Variants in MAP3K5 observed in about 807,000 individuals in gnomAD.
The protein encoded by MAP3K5 is ASK-1.
Under a neutral mutation model 158.7 loss-of-function variants are expected in MAP3K5, and 56 were observed. The observed-to-expected ratio is 0.35, with a 90% confidence interval of 0.28 to 0.44. The LOEUF (loss-of-function observed/expected upper bound fraction) is 0.44, where lower values mean the gene tolerates loss of function less well. Ranked by LOEUF, MAP3K5 falls within the 20% of genes least tolerant of loss-of-function variation. MAP3K5 has a pLI of 1.00. For synonymous variants in MAP3K5, 579 were observed against 601.7 expected (o/e 0.96, Z 0.55); for missense variants, 1,294 against 1,674.8 (o/e 0.77, Z 3.97).
At chr6:136,739,681 G>T (rs1361959449) in intron 1 of MAP3K5, among the ~76,000 whole-genome samples, 1 of 152,174 alleles carries the variant, frequency 6.6e-6, no homozygotes, top group African/African-American at 2.4e-5. Flanking sequence ...AACATTTGCA[G>T]TCACTATTTT....
At position 136,592,571 on chromosome 6, in the gene MAP3K5, C is replaced by T. The variant is rs761275698; in HGVS notation, c.2922G>A (p.Glu974=). 9 of 1,613,816 alleles carry T rather than the reference C, an allele frequency of 5.6e-6. No individual in the cohort carries two copies. Among genetic ancestry groups the T allele is most frequent in the Non-Finnish European group, 7.6e-6 (9 of 1,179,822 alleles). The change falls in exon 22 of 30, where the codon GAG becomes GAA. Residue 974 remains glutamate (E), a synonymous_variant. Coordinates refer to ENST00000359015, the MANE Select transcript of MAP3K5 (RefSeq NM_005923.4). The part of the protein sequence containing the change: ...SISLPVPVLV[E]DTSSSSEYGS... ...CGTACTCACTGCTGCTGCTGGTGTC[C>T]TCCACCAGCACAGGTACCGGCAAGG...
chr6:136,757,287 T>A (rs1450709247), intron 1 of MAP3K5, among the ~76,000 whole-genome samples: 3 of 152,194 alleles, frequency 2.0e-5, no homozygotes, highest in African/African-American at 7.2e-5. Flanking sequence ...ATTGTGGTAT[T>A]CCTTAGCAAC....
At chr6:136,568,455 G>A (rs561163848) in intron 25 of MAP3K5, among the ~76,000 whole-genome samples, 25 of 152,142 alleles carry the variant, frequency 1.6e-4, no homozygotes, top group African/African-American at 5.3e-4. Flanking sequence ...CTATTGGGCC[G>A]ATTTCTAGTG....
At chr6:136,716,645 T>C (rs1781542018) in intron 2 of MAP3K5, among the ~76,000 whole-genome samples, 1 of 152,188 alleles carries the variant, frequency 6.6e-6, no homozygotes, top group African/African-American at 2.4e-5. Context: ...GTGTCCAGAC[T>C]TACTCACCAC....
intron 1 of MAP3K5, among the ~76,000 whole-genome samples, chr6:136,746,485 C>G (rs1177553614): frequency 6.6e-6 from 1 of 152,038 alleles, no homozygotes; most frequent in Non-Finnish European, 1.5e-5. Flanking sequence ...ACTAGCGAGG[C>G]ACTGAACATC....
intron 5 of MAP3K5, among the ~76,000 whole-genome samples, chr6:136,696,330 G>C (rs973480206): frequency 6.6e-6 from 1 of 152,208 alleles, no homozygotes; most frequent in African/African-American, 2.4e-5. Context: ...AAGCATGATA[G>C]TGCTCTACTG....
At chr6:136,607,352 C>A (rs1402526230) in intron 18 of MAP3K5, among the ~76,000 whole-genome samples, 1 of 152,094 alleles carries the variant, frequency 6.6e-6, no homozygotes, top group Non-Finnish European at 1.5e-5. Context: ...ACAAATTATG[C>A]AATATTTGAT....
chr6:136,688,580 C>T lies in MAP3K5; in HGVS notation c.1253+5560G>A, dbSNP rs34490849. 5.5e-3 allele frequency among the ~76,000 whole-genome samples: 833 copies of T among 152,150 alleles called. 6 individuals are homozygous for T. The highest frequency in any genetic ancestry group is 0.019 in the African/African-American group (794 of 41,494). On this transcript the variant is annotated intron_variant, in intron 7 of 29. Transcript: ENST00000359015. The stretch of plus-strand genomic sequence containing the variant: ...GCTCTTTTGAGAGGCAGTTAATGTT[C>T]CTAGGCTAAATGGGAATTATTAAAA...
chr6:136,559,087 A>G (rs1317590495), intron 28 of MAP3K5, among the ~76,000 whole-genome samples: 1 of 152,208 alleles, frequency 6.6e-6, no homozygotes, highest in Admixed American at 6.5e-5. Context: ...GCAGTGGCTC[A>G]CGCCTGTAAC....
At chr6:136,639,904 A>G (rs1463246416) in intron 12 of MAP3K5, among the ~76,000 whole-genome samples, 1 of 152,208 alleles carries the variant, frequency 6.6e-6, no homozygotes, top group Non-Finnish European at 1.5e-5. Flanking sequence ...ACATCCTTTC[A>G]ACAGAGCAGG....
intron 15 of MAP3K5, among the ~76,000 whole-genome samples, chr6:136,615,848 A>C (rs912932023): frequency 6.6e-6 from 1 of 152,210 alleles, no homozygotes; most frequent in Non-Finnish European, 1.5e-5. Context: ...AAATCCTTAG[A>C]TCTTACACTG....
chr6:136,633,908 T>C (rs964302027), intron 14 of MAP3K5, among the ~76,000 whole-genome samples: 3 of 152,236 alleles, frequency 2.0e-5, no homozygotes, highest in Admixed American at 1.3e-4. Flanking sequence ...AATTGACGCA[T>C]GTATTGAAAC....
chr6:136,785,013 G>A (rs560184681), intron 1 of MAP3K5, among the ~76,000 whole-genome samples: 10 of 152,040 alleles, frequency 6.6e-5, no homozygotes, highest in African/African-American at 1.9e-4. Flanking sequence ...TAACTGGTTC[G>A]TGGGAACCAC....
intron 7 of MAP3K5, among the ~76,000 whole-genome samples, chr6:136,686,661 C>T (rs544655759): frequency 2.0e-5 from 3 of 152,234 alleles, no homozygotes. Context: ...CATGAGTGAA[C>T]TCCCATTCAC....
chr6:136,609,131 A>G lies in MAP3K5; in HGVS notation c.2521+2151T>C, dbSNP rs1776224077. Among the ~76,000 whole-genome samples, 1 of 152,230 alleles carries G rather than the reference A, an allele frequency of 6.6e-6. No homozygotes were observed. The highest frequency in any genetic ancestry group is 1.5e-5 in the Non-Finnish European group (1 of 68,030). ...GTTCCCCAGATTAGTAGCAGAAGAT[A>G]CTGTGTTAACATCCTGTCCCACAAA... On this transcript the variant is annotated intron_variant, in intron 18 of 29. Coordinates refer to ENST00000359015, the MANE Select transcript of MAP3K5 (RefSeq NM_005923.4). The surrounding 1 kb of genome is among the most constrained non-coding windows in gnomAD (Gnocchi z 4.4).
intron 1 of MAP3K5, among the ~76,000 whole-genome samples, chr6:136,726,398 GC>G (rs931191081): frequency 3.3e-5 from 5 of 152,184 alleles, no homozygotes; most frequent in African/African-American, 1.2e-4. Context: ...TTTGAGACCA[GC>G]CTGGCCAACA....
rs140219423 is a variant in MAP3K5 at position 136,712,804 on chromosome 6, A to G, written c.588+7646T>C. Among the ~76,000 whole-genome samples, 1,123 of 152,258 alleles carry G rather than the reference A, an allele frequency of 7.4e-3. 16 individuals are homozygous for G. The highest frequency in any genetic ancestry group is 0.026 in the African/African-American group (1,085 of 41,552). On this transcript the variant is annotated intron_variant, in intron 2 of 29. Transcript: ENST00000359015. ...CCCCATACTGTTCTCGTGGTAGTGA[A>G]TAAGTCTCACGAGGTCTGATGATTT... is the stretch of plus-strand genomic sequence containing the variant.
chr6:136,599,909 G>C (rs1407622183), intron 21 of MAP3K5, among the ~76,000 whole-genome samples: 1 of 152,154 alleles, frequency 6.6e-6, no homozygotes, highest in Non-Finnish European at 1.5e-5. Flanking sequence ...AGCCCAGGCT[G>C]TCTGTGGAGA....
rs776668812 is a variant in MAP3K5, at chr6:136,583,615, C to A, written c.3351G>T (p.Leu1117=). The stretch of plus-strand genomic sequence containing the variant: ...GGCTAATGCCATGGCTGTCGAAGTC[C>A]AGCTCCAGTTTCAGCTTTGACAGTG... The part of the protein sequence containing the change: ...ATTLSKLKLE[L]DFDSHGISQV... Residue 1117 remains leucine, a synonymous_variant, in exon 24 of 30, where the codon CTG becomes CTT. Transcript: ENST00000359015. 4 of 1,614,074 alleles carry A rather than the reference C, an allele frequency of 2.5e-6. No individual in the cohort carries two copies. The African/African-American group carries it at 5.3e-5, about 22-fold the overall frequency.
Sources: allele counts gnomAD v4.1 joint callset (sites outside exome capture counted in the v4.1 genomes callset), GRCh38; gene constraint gnomAD v4.1.1; non-coding constraint Gnocchi (gnomAD v3.1); transcripts MANE v1.5; gene names NCBI Gene and HGNC (gene_info 2026-07-23, HGNC 2026-07-21).